The following KDM2B variants were observed in gnomAD, a reference collection of about 807,000 sequenced individuals.
KDM2B encodes lysine demethylase 2B.
Under a neutral mutation model 150.0 loss-of-function variants are expected in KDM2B, and 26 were observed. That is an observed-to-expected ratio of 0.17 (90% confidence interval 0.13 to 0.24). The LOEUF is 0.24. Ranked by LOEUF, KDM2B falls within the 10% of genes least tolerant of loss-of-function variation. The pLI, the probability that KDM2B is intolerant of heterozygous loss-of-function variation, is 1.00. For synonymous variants in KDM2B, 734 were observed against 729.5 expected (o/e 1.01, Z -0.10); for missense variants, 1,265 against 1,816.9 (o/e 0.70, Z 5.52).
chr12:121,558,049 CTAAATACCG>C (rs1490843681), intron 4 of KDM2B, among the ~76,000 whole-genome samples: 22 of 152,302 alleles, frequency 1.4e-4, no homozygotes, highest in Admixed American at 5.9e-4. Context: ...CCACTTCATC[CTAAATACCG>C]TATTTCTTGG....
chr12:121,475,781 C>A lies in KDM2B; in HGVS notation c.1734+18798G>T, dbSNP rs782069507. On this transcript the variant is annotated intron_variant, in intron 12 of 22. Coordinates refer to ENST00000377071, the MANE Select transcript of KDM2B (RefSeq NM_032590.5). Reference sequence around the variant, plus strand: ...TCTTGGAGATGAGGAGAAGACTAACCCCCCTGCCCCACAACCCCCACGTCT... The same window carrying A: ...TCTTGGAGATGAGGAGAAGACTAACACCCCTGCCCCACAACCCCCACGTCT... Among the ~76,000 whole-genome samples the A allele has an allele frequency of 9.3e-5, 14 of 151,002 alleles. 1 individual carries two copies. Among genetic ancestry groups the A allele is most frequent in the African/African-American group, 3.2e-4 (13 of 41,006 alleles).
intron 12 of KDM2B, among the ~76,000 whole-genome samples, chr12:121,477,979 G>A (rs1881581573): frequency 6.6e-6 from 1 of 152,026 alleles, no homozygotes; most frequent in Non-Finnish European, 1.5e-5. Context: ...CTGAGCTCAA[G>A]GGATCCTCCC....
chr12:121,448,159 A>G (rs1002629722), intron 13 of KDM2B, among the ~76,000 whole-genome samples: 1 of 151,722 alleles, frequency 6.6e-6, no homozygotes, highest in Non-Finnish European at 1.5e-5. Flanking sequence ...TCTTTACAAA[A>G]AAATACAAAA....
At chr12:121,449,557 G>A (rs1269559663) in intron 13 of KDM2B, among the ~76,000 whole-genome samples, 2 of 152,170 alleles carry the variant, frequency 1.3e-5, no homozygotes, top group African/African-American at 2.4e-5. Context: ...GATGGCACCC[G>A]AGACAGGTTT....
intron 4 of KDM2B, among the ~76,000 whole-genome samples, chr12:121,565,719 G>T (rs575829327): frequency 6.6e-6 from 1 of 151,972 alleles, no homozygotes; most frequent in Non-Finnish European, 1.5e-5. Context: ...CCGCCCCACC[G>T]GGTTCAAGCA....
intron 4 of KDM2B, among the ~76,000 whole-genome samples, chr12:121,571,306 T>G (rs896993608): frequency 1.3e-5 from 2 of 152,226 alleles, no homozygotes; most frequent in African/African-American, 4.8e-5. Flanking sequence ...TTTCTTTTTT[T>G]GGGAAAGAGT....
Position 121,551,969 on chromosome 12 carries a change from G to A in KDM2B, c.398-2331C>T, listed in dbSNP as rs782086525. On this transcript the variant is annotated intron_variant, in intron 4 of 22. Transcript: ENST00000377071. ...AGAACTTGGGTATTTCTATCTTTTG[G>A]GTTCAAGATCTAAATTTCACAGCAA... Among the ~76,000 whole-genome samples the A allele has an allele frequency of 2.8e-4, 42 of 152,282 alleles. 1 individual carries two copies. Among genetic ancestry groups the A allele is most frequent in the Non-Finnish European group, 4.6e-4 (31 of 68,026 alleles).
At chr12:121,420,081 T>C in the KDM2B span, 1 of 577,328 alleles carries the variant, frequency 1.7e-6, no homozygotes, top group African/African-American at 1.9e-5. Flanking sequence ...CATGCAATTT[T>C]GTAGGGCCCA....
chr12:121,530,789 C>T (rs1364766998), intron 8 of KDM2B, among the ~76,000 whole-genome samples: 1 of 152,056 alleles, frequency 6.6e-6, no homozygotes, highest in Non-Finnish European at 1.5e-5. Flanking sequence ...AAGTCACCAA[C>T]ATCAACACCC....
intron 10 of KDM2B, among the ~76,000 whole-genome samples, chr12:121,510,843 A>G (rs1179569632): frequency 6.6e-6 from 1 of 151,528 alleles, no homozygotes; most frequent in Non-Finnish European, 1.5e-5. Context: ...AAATAAAAAT[A>G]AGTCTAAGAG....
Position 121,549,636 on chromosome 12 carries a change from T to A in KDM2B, c.400A>T (p.Ser134Cys). 6.4e-7 allele frequency: 1 copy of A among 1,572,528 alleles called. No individual in the cohort carries two copies. The highest frequency in any genetic ancestry group is 8.7e-7 in the Non-Finnish European group (1 of 1,151,588). The change falls in exon 5 of 23, where the codon AGC becomes TGC. Residue 134 changes from serine (S) to cysteine (C), a missense_variant and splice_region_variant. This residue lies in a region of KDM2B where 214 missense variants were observed against 447.4 expected (regional missense o/e 0.48). Transcript: ENST00000377071. This position sits in a 1 kb window ranked among gnomAD's most constrained non-coding sequence, Gnocchi z 4.4. Reference protein sequence around the residue: ...TVRDVKLLVGSRRLVDVMDVN... With the variant: ...TVRDVKLLVGCRRLVDVMDVN... ...TCCATCACGTCCACAAGCCGCCGGC[T>A]CCCTGGAGGCAGAAGCCACACACTG...
Position 121,443,029 on chromosome 12 carries a change from A to G in KDM2B, c.2567T>C (p.Leu856Pro), listed in dbSNP as rs1555289016. 1 of 1,612,146 alleles carries G rather than the reference A, an allele frequency of 6.2e-7. No individual in the cohort carries two copies. Among genetic ancestry groups the G allele is most frequent in the Non-Finnish European group, 8.5e-7 (1 of 1,179,206 alleles). The change falls in exon 18 of 23, where the codon CTC becomes CCC. Residue 856 changes from leucine (L) to proline (P), a missense_variant and splice_region_variant. Physicochemically the swap from Leu to Pro is moderately conservative, Grantham distance 98. Coordinates refer to ENST00000377071, the MANE Select transcript of KDM2B (RefSeq NM_032590.5). ...RSSLTYFQQQ[L>P]KPGKEDKLFR... is the part of the protein sequence containing the mutation. ...AAGCTTATCTTCTTTGCCAGGTTTG[A>G]GCTGTCACGAAAAAGAAAGGACGCA...
chr12:121,539,436 T>C (rs781872630), intron 6 of KDM2B, among the ~76,000 whole-genome samples: 4 of 150,444 alleles, frequency 2.7e-5, no homozygotes, highest in Non-Finnish European at 5.9e-5. Flanking sequence ...CATAAGAGAA[T>C]TGTATTTTTA....
intron 11 of KDM2B, among the ~76,000 whole-genome samples, chr12:121,507,966 GCAC>G (rs1445213395): frequency 1.3e-5 from 2 of 152,152 alleles, no homozygotes; most frequent in African/African-American, 4.8e-5. Flanking sequence ...AGCCAAGCTC[GCAC>G]CACTGCATTC....
intron 4 of KDM2B, among the ~76,000 whole-genome samples, chr12:121,562,275 G>C (rs1201166306): frequency 6.6e-6 from 1 of 150,556 alleles, no homozygotes; most frequent in Non-Finnish European, 1.5e-5. Context: ...CTGAGGCCAG[G>C]AGTTTGAGAC....
chr12:121,480,932 G>GTT lies in KDM2B; in HGVS notation c.1734+13645_1734+13646dup, dbSNP rs71079072. Among the ~76,000 whole-genome samples, 18 of 135,402 alleles carry GTT rather than the reference G, an allele frequency of 1.3e-4. 1 individual carries two copies. Among genetic ancestry groups the GTT allele is most frequent in the African/African-American group, 3.9e-4 (14 of 35,940 alleles). 88.8% of individuals were successfully genotyped at this position (135,402 alleles called of 152,430 possible). ...ATAAGTGAGAGGTGTTTTTTTTGTT[G>GTT]TTTTTTTTTTTTTGAGATGGAGTCT... On this transcript the variant is annotated intron_variant, in intron 12 of 22. Transcript: ENST00000377071.
At chr12:121,475,803 G>A (rs1482638132) in intron 12 of KDM2B, among the ~76,000 whole-genome samples, 4 of 151,776 alleles carry the variant, frequency 2.6e-5, no homozygotes, top group African/African-American at 7.3e-5. Flanking sequence ...CAACCCCCAC[G>A]TCTTTGAATA....
intron 12 of KDM2B, among the ~76,000 whole-genome samples, chr12:121,487,447 C>G (rs540322102): frequency 6.6e-6 from 1 of 152,310 alleles, no homozygotes; most frequent in South Asian, 2.1e-4. Context: ...ACCAACCCTC[C>G]AAGGATCAAC....
intron 22 of KDM2B, chr12:121,433,170 C>A (rs546736891): frequency 2.2e-6 from 1 of 456,718 alleles, no homozygotes; most frequent in South Asian, 1.5e-5. Flanking sequence ...TCACATATTC[C>A]CCAAAACTGG....
Sources: allele counts gnomAD v4.1 joint callset (sites outside exome capture counted in the v4.1 genomes callset), GRCh38; gene constraint gnomAD v4.1.1; regional missense constraint gnomAD v4.1.1; non-coding constraint Gnocchi (gnomAD v3.1); transcripts MANE v1.5; gene names NCBI Gene and HGNC (gene_info 2026-07-23, HGNC 2026-07-21).